Variants in NBR1 observed in about 807,000 individuals in gnomAD.
NBR1 encodes the protein NBR1 autophagy cargo receptor, also known as next to BRCA1 gene 1 protein.
A neutral mutation model predicts 115.5 loss-of-function variants in NBR1; 59 were observed. The observed-to-expected ratio is 0.51, with a 90% CI of 0.41 to 0.63. The LOEUF is 0.63. Among genes scored for constraint, NBR1 ranks in the 30% least tolerant of loss-of-function variants. The pLI is 0.00. For synonymous variants in NBR1, 373 were observed against 414.7 expected (o/e 0.90, Z 1.22); for missense variants, 1,043 against 1,150.5 (o/e 0.91, Z 1.35).
intron 17 of NBR1, 104 bp from the exon 18 acceptor site, chr17:43,201,582 A>C (rs2154582371): frequency 1.5e-6 from 1 of 686,950 alleles, no homozygotes; most frequent in Non-Finnish European, 2.6e-6. Context: ...AGAAATGTGA[A>C]GCCTCTGTAG....
chr17:43,182,027 T>C (rs1285156562), intron 5 of NBR1, among the ~76,000 whole-genome samples: 1 of 151,310 alleles, frequency 6.6e-6, no homozygotes, highest in Non-Finnish European at 1.5e-5. Flanking sequence ...CCCCCCTTTT[T>C]TTTTTCCTAA....
At chr17:43,199,065 A>C (rs1198909454) in intron 16 of NBR1, among the ~76,000 whole-genome samples, 2 of 151,212 alleles carry the variant, frequency 1.3e-5, no homozygotes, top group African/African-American at 4.9e-5. Context: ...CACAGCTGTT[A>C]TTCTGATAGG....
At chr17:43,175,981 T>A in intron 2 of NBR1, 80 bp downstream of exon 2, 1 of 821,228 alleles carries the variant, frequency 1.2e-6, no homozygotes. Context: ...AGCAGTGTTG[T>A]TTCATAGCTG....
rs771684531 is a variant in NBR1, at chr17:43,178,006, A to G, written c.165+8A>G. On this transcript the variant is annotated splice_region_variant and intron_variant, in intron 3 of 20. Transcript: ENST00000590996. ...GATGAGGAAAATGAAGAGGTAAAAT[A>G]TATTATGGCACTTATTGCTAGGTGT... 3.8e-6 allele frequency: 6 copies of G among 1,573,766 alleles called. No homozygotes were observed. In the African/African-American group the frequency reaches 4.0e-5, roughly 11 times the overall value.
intron 18 of NBR1, among the ~76,000 whole-genome samples, chr17:43,202,303 G>A (rs1442238359): frequency 6.6e-6 from 1 of 151,882 alleles, no homozygotes; most frequent in Non-Finnish European, 1.5e-5. Context: ...CACAGGCTTT[G>A]GAGCCAAACA....
At chr17:43,204,889 C>A (rs1478541081) in intron 20 of NBR1, among the ~76,000 whole-genome samples, 1 of 151,350 alleles carries the variant, frequency 6.6e-6, no homozygotes, top group Non-Finnish European at 1.5e-5. Flanking sequence ...GGGAGGATCA[C>A]TTGAGCACCG....
Position 43,177,830 on chromosome 17 carries a change from G to T in NBR1, c.103-106G>T. On this transcript the variant is annotated intron_variant, in intron 2 of 20. Transcript: ENST00000590996. ...GTTGCAGATATTAACCCTTTGTTAT[G>T]GGTTATTAAGGTTGTTTGTTGTTTG... 2 of 981,884 alleles carry T rather than the reference G, an allele frequency of 2.0e-6. No individual in the cohort carries two copies. The highest frequency in any genetic ancestry group is 2.8e-6 in the Non-Finnish European group (2 of 723,112). The allele number at this position is 981,884 out of a possible 1,614,324, so 60.8% of individuals were successfully genotyped here.
chr17:43,191,303 A>T (rs780685398), intron 9 of NBR1, 69 bp from the exon 10 acceptor site: 297 of 1,122,784 alleles, frequency 2.6e-4, no homozygotes, highest in Non-Finnish European at 3.8e-4. Context: ...TGGAAATTGC[A>T]ATTGGCTCCA....
At chr17:43,186,913 C>G (rs1258379194) in intron 6 of NBR1, among the ~76,000 whole-genome samples, 2 of 152,190 alleles carry the variant, frequency 1.3e-5, no homozygotes, top group African/African-American at 2.4e-5. Flanking sequence ...TTTATCCAGT[C>G]TATCATTGAT....
In NBR1 at chr17:43,189,045, T is replaced by C; in HGVS notation, c.406T>C (p.Phe136Leu). 1 of 1,610,188 alleles carries C rather than the reference T, an allele frequency of 6.2e-7. No individual in the cohort carries two copies. Among genetic ancestry groups the C allele is most frequent in the African/African-American group, 1.3e-5 (1 of 74,964 alleles). The change falls in exon 7 of 21, where the codon TTT becomes CTT. Residue 136 changes from phenylalanine to leucine, a missense_variant. By Grantham distance (22) the Phe-to-Leu change is conservative. Transcript: ENST00000590996. ...KTPEDPAVQS[F>L]PLVPCDTDQP... ...CTCGGCTTGTGTTTTCTCCCAGTCG[T>C]TTCCACTTGTTCCATGTGACACAGA... is the stretch of plus-strand genomic sequence containing the variant.
intron 6 of NBR1, 99 bp downstream of exon 6, chr17:43,186,543 A>C (rs2056807230): frequency 1.9e-6 from 2 of 1,047,886 alleles, no homozygotes; most frequent in Non-Finnish European, 2.6e-6. Context: ...ATTATACTTT[A>C]AGTTCTGAGA....
At chr17:43,183,893 C>G (rs2154582061) in intron 5 of NBR1, among the ~76,000 whole-genome samples, 1 of 152,252 alleles carries the variant, frequency 6.6e-6, no homozygotes, top group East Asian at 1.9e-4. Flanking sequence ...CTCCTAGCCT[C>G]AAGTGATCTG....
intron 1 of NBR1, among the ~76,000 whole-genome samples, chr17:43,175,370 T>C (rs1336750372): frequency 6.6e-6 from 1 of 152,206 alleles, no homozygotes; most frequent in East Asian, 1.9e-4. Flanking sequence ...TGTTGGTATG[T>C]CCTGCTACTA....
chr17:43,201,655 A>G (rs1598010168), intron 17 of NBR1, 31 bp from the exon 18 acceptor site: 5 of 1,398,638 alleles, frequency 3.6e-6, no homozygotes, highest in East Asian at 2.3e-5. Flanking sequence ...TGCCTTTTCA[A>G]TTTACTTTCC....
At chr17:43,200,635 G>A (rs1240484030) in intron 17 of NBR1, 27 bp downstream of exon 17, 1 of 1,564,836 alleles carries the variant, frequency 6.4e-7, no homozygotes, top group Non-Finnish European at 8.7e-7. Context: ...CCTCAGCTGG[G>A]GTGTTCTTCA....
In NBR1 at chr17:43,180,795, G is replaced by T; in HGVS notation, c.185G>T (p.Gly62Val). 6.9e-7 allele frequency: 1 copy of T among 1,454,090 alleles called. No individual in the cohort carries two copies. Among genetic ancestry groups the T allele is most frequent in the Non-Finnish European group, 9.1e-7 (1 of 1,095,354 alleles). The allele number at this position is 1,454,090 out of a possible 1,614,324, so 90.1% of individuals were successfully genotyped here. ...ENEEVSINSQ[G>V]EYEEALKMAV... is the part of the protein sequence containing the mutation. ...TGGTGTATATTTTTTGTTCTTTTAG[G>T]AGAATATGAAGAAGCGCTTAAGGTA... The change falls in exon 5 of 21, where the codon GGA (glycine) becomes GTA (valine). Residue 62 changes from glycine to valine, a missense_variant and splice_region_variant. Physicochemically the swap from Gly to Val is moderately radical, Grantham distance 109. Coordinates refer to ENST00000590996, the MANE Select transcript of NBR1 (RefSeq NM_005899.5).
At chr17:43,192,977 A>T in intron 10 of NBR1, 117 bp from the exon 11 acceptor site, 1 of 965,102 alleles carries the variant, frequency 1.0e-6, no homozygotes, top group Non-Finnish European at 1.5e-6. Context: ...TATTATTTTT[A>T]AGGCAAATGG....
At chr17:43,191,181 G>T (rs949745399) in intron 9 of NBR1, among the ~76,000 whole-genome samples, 191 bp from the exon 10 acceptor site, 1 of 152,116 alleles carries the variant, frequency 6.6e-6, no homozygotes, top group Middle Eastern at 3.2e-3. Context: ...TTGAGCCCAG[G>T]AATATGAGGT....
chr17:43,193,919 G>C (rs1167524950), intron 12 of NBR1, among the ~76,000 whole-genome samples: 1 of 152,146 alleles, frequency 6.6e-6, no homozygotes, highest in Non-Finnish European at 1.5e-5. Context: ...AGGGACTCCT[G>C]GCCTGGGCTG....
Sources: allele counts gnomAD v4.1 joint callset (sites outside exome capture counted in the v4.1 genomes callset), GRCh38; gene constraint gnomAD v4.1.1; transcripts MANE v1.5; gene names NCBI Gene and HGNC (gene_info 2026-07-23, HGNC 2026-07-21).